CALN1: variants seen among roughly 807,000 people sequenced by gnomAD.
CALN1 encodes calneuron 1, also known as calcium-binding protein 8.
Under a neutral mutation model 30.6 loss-of-function variants are expected in CALN1, and 17 were observed. The observed-to-expected ratio is 0.56, with a 90% CI of 0.38 to 0.83. CALN1 has a LOEUF of 0.83. Ranked by LOEUF, CALN1 falls within the 40% of genes least tolerant of loss-of-function variation. The probability of loss-of-function intolerance (pLI) is 0.00; values close to 1 mark genes in which losing one functional copy is unlikely to be tolerated. For missense variants in CALN1, 291 were observed against 354.9 expected, an observed-to-expected ratio of 0.82 and a Z score of 1.45; for synonymous variants, 156 against 131.4, an observed-to-expected ratio of 1.19 and a Z score of -1.28.
chr7:72,369,929 G>C (rs545342216), intron 2 of CALN1, among the ~76,000 whole-genome samples: 54 of 152,272 alleles, frequency 3.5e-4, no homozygotes, highest in Non-Finnish European at 7.2e-4. Flanking sequence ...GCAATTAGTA[G>C]TCATGTTTGA....
intron 5 of CALN1, among the ~76,000 whole-genome samples, chr7:71,832,365 A>C (rs1405425307): frequency 6.6e-6 from 1 of 152,228 alleles, no homozygotes; most frequent in Non-Finnish European, 1.5e-5. Flanking sequence ...AGGGGACGGA[A>C]AAGAGTCAAA....
At chr7:72,254,787 G>C (rs939908954) in intron 3 of CALN1, among the ~76,000 whole-genome samples, 3 of 151,988 alleles carry the variant, frequency 2.0e-5, no homozygotes, top group Non-Finnish European at 4.4e-5. Context: ...CGCTGAGACA[G>C]AGTCTTGCTT....
chr7:72,067,798 G>C (rs1039251071), intron 4 of CALN1, among the ~76,000 whole-genome samples: 1 of 151,026 alleles, frequency 6.6e-6, no homozygotes, highest in African/African-American at 2.4e-5. Flanking sequence ...GGTCCAGCAA[G>C]GGCTGACCTC....
intron 5 of CALN1, among the ~76,000 whole-genome samples, chr7:71,810,896 C>CTTTTTTTT (rs71092916): frequency 7.2e-6 from 1 of 139,196 alleles, no homozygotes; most frequent in African/African-American, 2.6e-5. Context: ...AAGCATGTAT[C>CTTTTTTTT]TTTTTTTTTT....
At chr7:72,237,183 C>G (rs1284233613) in intron 3 of CALN1, among the ~76,000 whole-genome samples, 1 of 152,048 alleles carries the variant, frequency 6.6e-6, no homozygotes, top group Non-Finnish European at 1.5e-5. Context: ...GGCGTTTCAC[C>G]AAGTTAGCCA....
At chr7:72,196,085 G>A (rs1790972713) in intron 3 of CALN1, among the ~76,000 whole-genome samples, 1 of 151,962 alleles carries the variant, frequency 6.6e-6, no homozygotes, top group East Asian at 1.9e-4. Context: ...TTGGAGGAGT[G>A]AATGCTAAGG....
intron 4 of CALN1, among the ~76,000 whole-genome samples, chr7:72,033,461 C>T (rs1801585184): frequency 6.6e-6 from 1 of 152,004 alleles, no homozygotes; most frequent in South Asian, 2.1e-4. Flanking sequence ...TTACTCAAGG[C>T]AGAATGAAGG....
At chr7:71,828,900 C>A (rs1413733977) in intron 5 of CALN1, among the ~76,000 whole-genome samples, 2 of 151,830 alleles carry the variant, frequency 1.3e-5, no homozygotes, top group Non-Finnish European at 2.9e-5. Flanking sequence ...AGGCACACAC[C>A]ACCACACCCA....
chr7:71,993,886 T>C (rs1435273574), intron 5 of CALN1, among the ~76,000 whole-genome samples: 1 of 152,202 alleles, frequency 6.6e-6, no homozygotes, highest in Non-Finnish European at 1.5e-5. Context: ...ATTAAACTAA[T>C]GTACATTATG....
intron 5 of CALN1, among the ~76,000 whole-genome samples, chr7:71,855,731 CCTTA>C (rs937009266): frequency 8.5e-5 from 13 of 152,186 alleles, no homozygotes; most frequent in African/African-American, 2.2e-4. Flanking sequence ...CTACCCTATA[CCTTA>C]CTTATTTCCT....
chr7:72,341,514 C>G (rs144711236), intron 2 of CALN1, among the ~76,000 whole-genome samples: 28 of 150,118 alleles, frequency 1.9e-4, no homozygotes, highest in Middle Eastern at 3.4e-3. Context: ...CAGAGCGAGA[C>G]TCAGTCTCAA....
At chr7:71,925,604 T>C (rs192734570) in intron 5 of CALN1, among the ~76,000 whole-genome samples, 1 of 152,258 alleles carries the variant, frequency 6.6e-6, no homozygotes, top group Admixed American at 6.5e-5. Flanking sequence ...TATTTTCCTT[T>C]AATTTTAAAA....
At chr7:72,242,686 G>A (rs1032074473) in intron 3 of CALN1, among the ~76,000 whole-genome samples, 12 of 152,110 alleles carry the variant, frequency 7.9e-5, no homozygotes, top group African/African-American at 2.7e-4. Context: ...TCAGGAGTTT[G>A]AGACCAGCCT....
chr7:71,788,693 T>C (rs1436717140), intron 6 of CALN1, among the ~76,000 whole-genome samples: 1 of 151,910 alleles, frequency 6.6e-6, no homozygotes, highest in Non-Finnish European at 1.5e-5. Flanking sequence ...AGTCTCTCTC[T>C]GTCACCCAGG....
At chr7:72,392,629 G>A (rs1374333585) in intron 2 of CALN1, among the ~76,000 whole-genome samples, 3 of 152,068 alleles carry the variant, frequency 2.0e-5, no homozygotes, top group African/African-American at 7.2e-5. Flanking sequence ...GAACTCTATT[G>A]ACTAATCCTC....
chr7:71,849,039 C>T (rs1790485778), intron 5 of CALN1, among the ~76,000 whole-genome samples: 1 of 152,080 alleles, frequency 6.6e-6, no homozygotes, highest in Non-Finnish European at 1.5e-5. Flanking sequence ...TTAGTCAAAG[C>T]TGTTTGTTTT....
chr7:72,217,667 A>C (rs1452147779), intron 3 of CALN1, among the ~76,000 whole-genome samples: 1 of 151,776 alleles, frequency 6.6e-6, no homozygotes, highest in Non-Finnish European at 1.5e-5. Flanking sequence ...GACCCAACTG[A>C]CAAACTTGGT....
chr7:72,048,660 C>G (rs1298776122), intron 4 of CALN1, among the ~76,000 whole-genome samples: 2 of 148,870 alleles, frequency 1.3e-5, no homozygotes, highest in Non-Finnish European at 3.0e-5. Context: ...TCCTTTTCCT[C>G]CCTCCCTTCC....
rs529296041 is a variant in CALN1 at position 72,124,806 on chromosome 7, G to A, written c.245-18512C>T. Among the ~76,000 whole-genome samples, 10 of 151,478 alleles carry A rather than the reference G, an allele frequency of 6.6e-5. No homozygotes were observed. The South Asian group carries it at 2.1e-3, about 32-fold the overall frequency. ...AAAACAAATGAACTGACCTACAGCA[G>A]GCAAGGAAATAGTCTTTGATATGTG... On this transcript the variant is annotated intron_variant, in intron 3 of 6. Coordinates refer to ENST00000395275, the MANE Select transcript of CALN1 (RefSeq NM_031468.4).
Sources: allele counts gnomAD v4.1 joint callset (sites outside exome capture counted in the v4.1 genomes callset), GRCh38; gene constraint gnomAD v4.1.1; transcripts MANE v1.5; gene names NCBI Gene and HGNC (gene_info 2026-07-23, HGNC 2026-07-21).